Variants in KIAA1328 observed in about 807,000 individuals in gnomAD.
KIAA1328 encodes protein hinderin.
Under a neutral mutation model 68.1 loss-of-function variants are expected in KIAA1328, and 52 were observed. That is an observed-to-expected ratio of 0.76 (90% CI 0.61 to 0.96). KIAA1328 has a LOEUF of 0.96. KIAA1328 is among the 40% of genes least tolerant of loss of function. The probability of loss-of-function intolerance (pLI) is 0.00; values close to 1 mark genes in which losing one functional copy is unlikely to be tolerated. For missense variants in KIAA1328, 641 were observed against 677.6 expected (o/e 0.95, Z 0.60); for synonymous variants, 232 against 239.4 (o/e 0.97, Z 0.28).
intron 6 of KIAA1328, among the ~76,000 whole-genome samples, chr18:37,028,285 T>A (rs1192103782): frequency 2.6e-5 from 4 of 152,140 alleles, no homozygotes; most frequent in Non-Finnish European, 5.9e-5. Context: ...ATTTTATTTT[T>A]TGTGTATGGT....
At chr18:36,857,094 G>A (rs935220183) in intron 4 of KIAA1328, among the ~76,000 whole-genome samples, 1 of 152,132 alleles carries the variant, frequency 6.6e-6, no homozygotes, top group Non-Finnish European at 1.5e-5. Context: ...GCACTGCTAA[G>A]GCAAGGAGGC....
intron 1 of KIAA1328, among the ~76,000 whole-genome samples, chr18:36,832,218 T>G (rs1321567127): frequency 6.6e-6 from 1 of 152,188 alleles, no homozygotes; most frequent in East Asian, 1.9e-4. Flanking sequence ...AATATTGTTA[T>G]TAAAAATATT....
intron 6 of KIAA1328, among the ~76,000 whole-genome samples, chr18:37,025,675 C>G (rs78567135): frequency 6.6e-6 from 1 of 152,152 alleles, no homozygotes; most frequent in East Asian, 1.9e-4. Flanking sequence ...TTGAAATTAA[C>G]GAGAACAAAG....
intron 5 of KIAA1328, among the ~76,000 whole-genome samples, chr18:36,926,980 A>C (rs577274391): frequency 6.6e-6 from 1 of 152,148 alleles, no homozygotes; most frequent in South Asian, 2.1e-4. Flanking sequence ...GACAATGGGG[A>C]GGTCCCAAAC....
intron 6 of KIAA1328, among the ~76,000 whole-genome samples, chr18:36,977,313 T>A (rs9304167): frequency 1.0e-3 from 158 of 152,128 alleles, no homozygotes; most frequent in Middle Eastern, 3.4e-3. Flanking sequence ...TCTTCCAGAC[T>A]GAGTCAGGAT....
chr18:36,976,652 C>A lies in KIAA1328; in HGVS notation c.576+17217C>A, dbSNP rs147661945. ...GTTGTTTATAGATTATATTATATTA[C>A]AATTGTTATATATTATAATTAATTA... On this transcript the variant is annotated intron_variant, in intron 6 of 9. Coordinates refer to ENST00000280020, the MANE Select transcript of KIAA1328 (RefSeq NM_020776.3). Among the ~76,000 whole-genome samples the A allele has an allele frequency of 1.8e-4, 28 of 151,700 alleles. 1 individual carries two copies. The South Asian group carries it at 3.5e-3, about 19-fold the overall frequency.
intron 7 of KIAA1328, among the ~76,000 whole-genome samples, chr18:37,076,227 A>G (rs201393692): frequency 0.26 from 39,452 of 151,012 alleles, 7,921 homozygotes; most frequent in African/African-American, 0.58. Context: ...CTGCTCCTGA[A>G]TGACTACTGG....
At chr18:36,927,251 T>C (rs1048426953) in intron 5 of KIAA1328, among the ~76,000 whole-genome samples, 1 of 152,194 alleles carries the variant, frequency 6.6e-6, no homozygotes. Context: ...ATACTAATGA[T>C]AGAGAAAACT....
chr18:37,138,413 C>T (rs1243908801), intron 7 of KIAA1328, among the ~76,000 whole-genome samples: 2 of 152,168 alleles, frequency 1.3e-5, no homozygotes, highest in African/African-American at 2.4e-5. Context: ...CTTCTCTTTC[C>T]TACACCACAC....
intron 6 of KIAA1328, among the ~76,000 whole-genome samples, chr18:37,007,210 CT>C (rs2053816045): frequency 1.3e-5 from 2 of 152,152 alleles, no homozygotes; most frequent in Admixed American, 6.6e-5. Context: ...ATCCTTTTGT[CT>C]TGGCTTCTTG....
intron 7 of KIAA1328, among the ~76,000 whole-genome samples, chr18:37,080,012 A>G (rs1306115452): frequency 6.6e-6 from 1 of 152,136 alleles, no homozygotes; most frequent in Non-Finnish European, 1.5e-5. Flanking sequence ...CAAACGTTAG[A>G]TTTTTGTGGA....
At chr18:37,073,603 G>C (rs2056609241) in intron 7 of KIAA1328, among the ~76,000 whole-genome samples, 1 of 152,070 alleles carries the variant, frequency 6.6e-6, no homozygotes, top group African/African-American at 2.4e-5. Context: ...CAAATTTCTG[G>C]TTCTTTCATT....
chr18:37,039,573 C>T (rs1012919819), intron 6 of KIAA1328, among the ~76,000 whole-genome samples: 2 of 151,942 alleles, frequency 1.3e-5, no homozygotes, highest in Non-Finnish European at 1.5e-5. Context: ...CCACCACGCC[C>T]AGCTAATTTT....
chr18:36,939,551 C>A (rs1168858458), intron 5 of KIAA1328, among the ~76,000 whole-genome samples: 1 of 152,074 alleles, frequency 6.6e-6, no homozygotes, highest in East Asian at 1.9e-4. Context: ...AAAAATTTCA[C>A]TTCTTCCTTT....
chr18:37,182,806 C>T (rs2059722901), intron 9 of KIAA1328, among the ~76,000 whole-genome samples: 1 of 152,234 alleles, frequency 6.6e-6, no homozygotes, highest in South Asian at 2.1e-4. Context: ...TAAATTTGCT[C>T]ATAGGATTAA....
chr18:36,948,262 T>TG (rs1491575892), intron 5 of KIAA1328, among the ~76,000 whole-genome samples: 1 of 69,820 alleles, frequency 1.4e-5, no homozygotes, highest in Non-Finnish European at 3.8e-5. Flanking sequence ...TTGTCTTTTG[T>TG]TTTTTTTTTT....
chr18:36,973,629 A>C (rs997218258), intron 6 of KIAA1328, among the ~76,000 whole-genome samples: 1 of 152,084 alleles, frequency 6.6e-6, no homozygotes, highest in African/African-American at 2.4e-5. Context: ...CTGAATCCTC[A>C]TGTCAGGCTA....
chr18:36,875,406 G>A (rs2048086487), intron 4 of KIAA1328, among the ~76,000 whole-genome samples: 1 of 152,204 alleles, frequency 6.6e-6, no homozygotes, highest in African/African-American at 2.4e-5. Flanking sequence ...TGTATTCCTA[G>A]GTATTTATTC....
intron 4 of KIAA1328, among the ~76,000 whole-genome samples, chr18:36,856,585 C>G (rs111554437): frequency 0.065 from 9,910 of 152,098 alleles, 1,070 homozygotes; most frequent in African/African-American, 0.22. Context: ...TCCTTAGTTT[C>G]TTGACCATAG....
Sources: gnomAD v4.1 joint callset for allele counts (sites outside exome capture counted in the v4.1 genomes callset) on GRCh38, gnomAD v4.1.1 for gene constraint, MANE v1.5 for transcripts, NCBI Gene and HGNC (gene_info 2026-07-23, HGNC 2026-07-21) for gene names.